The following PDILT variants were observed in gnomAD, a reference collection of about 807,000 sequenced individuals.
The protein encoded by PDILT is protein disulfide isomerase like, testis expressed.
In PDILT, 43 loss-of-function variants were observed where a neutral mutation model predicts 53.7. The ratio of observed to expected loss-of-function variants is 0.80; its 90% CI spans 0.63 to 1.03. PDILT has a LOEUF of 1.03. Ranked by LOEUF, PDILT falls within the 50% of genes least tolerant of loss-of-function variation. PDILT has a pLI of 0.00. For missense variants in PDILT, 727 were observed against 712.3 expected, an observed-to-expected ratio of 1.02 and a Z score of -0.24; for synonymous variants, 282 against 274.2, an observed-to-expected ratio of 1.03 and a Z score of -0.28.
At chr16:20,390,121 C>A (rs754278885) in intron 2 of PDILT, among the ~76,000 whole-genome samples, 39 of 152,136 alleles carry the variant, frequency 2.6e-4, no homozygotes, top group Admixed American at 1.6e-3. Context: ...TAACCCTCTG[C>A]CCATTCCATA....
chr16:20,402,324 G>A (rs1966753563), intron 1 of PDILT, among the ~76,000 whole-genome samples: 1 of 128,564 alleles, frequency 7.8e-6, no homozygotes, highest in Non-Finnish European at 1.6e-5. Context: ...TTTGAGACAG[G>A]GTCTCGCTCT....
At chr16:20,390,256 T>G (rs1174715432) in intron 2 of PDILT, among the ~76,000 whole-genome samples, 1 of 152,132 alleles carries the variant, frequency 6.6e-6, no homozygotes, top group East Asian at 1.9e-4. Flanking sequence ...CCTTTAAGTT[T>G]TTAAAAGATC....
chr16:20,379,663 T>C (rs897247652), intron 3 of PDILT, among the ~76,000 whole-genome samples: 7 of 152,242 alleles, frequency 4.6e-5, no homozygotes, highest in African/African-American at 1.4e-4. Context: ...GCACACTGTA[T>C]GCACTTCTGT....
intron 2 of PDILT, among the ~76,000 whole-genome samples, chr16:20,396,856 G>C (rs1412684680): frequency 6.6e-6 from 1 of 151,998 alleles, no homozygotes; most frequent in Admixed American, 6.6e-5. Flanking sequence ...AGCTGCATAA[G>C]TGTGGGGTGA....
chr16:20,377,760 C>T (rs913766889), intron 3 of PDILT, among the ~76,000 whole-genome samples: 1 of 152,088 alleles, frequency 6.6e-6, no homozygotes. Flanking sequence ...CGAGACAATC[C>T]TGGCTAACAC....
rs769366886 is a variant in PDILT at position 20,399,114 on chromosome 16, G to A, written c.187C>T (p.Leu63Phe). 3.5e-5 allele frequency: 57 copies of A among 1,614,076 alleles called. No homozygotes were observed. In the Admixed American group the frequency reaches 4.5e-4, roughly 13 times the overall value. ...LTQMLNQTRF[L>F]MVLFHNPSSK... is the part of the protein sequence containing the mutation. ...GGGCACTCACGGAAAAGCACCATGA[G>A]GAAGCGGGTCTGGTTCAGCATCTGG... Residue 63 changes from leucine (L) to phenylalanine (F), a missense_variant, in exon 2 of 12, where the codon CTC (leucine) becomes TTC (phenylalanine). Transcript: ENST00000302451.
At chr16:20,372,396 C>A (rs1455325012) in intron 7 of PDILT, among the ~76,000 whole-genome samples, 1 of 152,188 alleles carries the variant, frequency 6.6e-6, no homozygotes, top group Non-Finnish European at 1.5e-5. Context: ...CTACTCCCCA[C>A]CTTCAGGCTT....
At chr16:20,365,972 C>A (rs1176157056) in intron 8 of PDILT, among the ~76,000 whole-genome samples, 2 of 151,780 alleles carry the variant, frequency 1.3e-5, no homozygotes, top group Non-Finnish European at 2.9e-5. Flanking sequence ...CACCTGTAAT[C>A]CCAGCTACTC....
chr16:20,389,084 A>G (rs962038503), intron 2 of PDILT, among the ~76,000 whole-genome samples: 5 of 152,112 alleles, frequency 3.3e-5, no homozygotes, highest in African/African-American at 1.2e-4. Flanking sequence ...TCACGTGTAT[A>G]TTGGCACTTA....
intron 11 of PDILT, 92 bp from the exon 12 acceptor site, chr16:20,359,659 A>G (rs9929710): frequency 2.3e-6 from 3 of 1,298,510 alleles, no homozygotes; most frequent in Non-Finnish European, 2.1e-6. Flanking sequence ...TTGTGGTTGT[A>G]ATAGTCAAGC....
chr16:20,382,965 G>A (rs376940920), intron 3 of PDILT, among the ~76,000 whole-genome samples: 43 of 152,272 alleles, frequency 2.8e-4, no homozygotes, highest in African/African-American at 9.4e-4. Context: ...TTTGAGGCGA[G>A]GGCCTTGATG....
chr16:20,385,418 C>T (rs1402383975), intron 2 of PDILT, among the ~76,000 whole-genome samples: 1 of 152,206 alleles, frequency 6.6e-6, no homozygotes, highest in East Asian at 1.9e-4. Flanking sequence ...CTAATCTCCA[C>T]TAGGCATGTA....
chr16:20,369,635 A>T lies in PDILT; in HGVS notation c.973T>A (p.Tyr325Asn). 1 of 1,614,226 alleles carries T rather than the reference A, an allele frequency of 6.2e-7. No individual in the cohort carries two copies. Among genetic ancestry groups the T allele is most frequent in the Non-Finnish European group, 8.5e-7 (1 of 1,180,038 alleles). Residue 325 changes from tyrosine (Y) to asparagine (N), a missense_variant, in exon 8 of 12, where the codon TAC becomes AAC. By Grantham distance (143) the Tyr-to-Asn change is moderately radical. Coordinates refer to ENST00000302451, the MANE Select transcript of PDILT (RefSeq NM_174924.2). ...ATATCGACCTCTGTGACCCGGAAGT[A>T]CTTGAAGACACGTCCATTTCTGGGT... is the stretch of plus-strand genomic sequence containing the variant. ...DEPRNGRVFKYFRVTEVDIPS... is the reference protein window; with the variant it reads ...DEPRNGRVFKNFRVTEVDIPS...
chr16:20,397,633 T>C (rs1966679652), intron 2 of PDILT, among the ~76,000 whole-genome samples: 1 of 152,074 alleles, frequency 6.6e-6, no homozygotes, highest in South Asian at 2.1e-4. Flanking sequence ...AGGGAGTCTG[T>C]AAATGGTTCT....
At chr16:20,381,817 ATATGGGTGGGTACTTTACCC>A (rs1052336922) in intron 3 of PDILT, among the ~76,000 whole-genome samples, 9 of 152,096 alleles carry the variant, frequency 5.9e-5, no homozygotes, top group Non-Finnish European at 1.0e-4. Context: ...CCCAGCAGAA[ATATGGGTGGGTACTTTACCC>A]TATGCCCACC....
chr16:20,367,080 TTTCTTTCTTTCTTTCTTTC>T (rs1176470358), intron 8 of PDILT, among the ~76,000 whole-genome samples: 12 of 126,818 alleles, frequency 9.5e-5, no homozygotes, highest in African/African-American at 4.0e-4. Context: ...TCTTTCTTTC[TTTCTTTCTTTCTTTCTTTC>T]TTTCTTCCTT....
intron 3 of PDILT, among the ~76,000 whole-genome samples, chr16:20,380,625 C>T (rs376646305): frequency 1.3e-5 from 2 of 152,212 alleles, no homozygotes; most frequent in Admixed American, 6.5e-5. Flanking sequence ...CGTGAGCCAC[C>T]GTGCCCAGCC....
At chr16:20,369,281 T>C (rs1838971451) in intron 8 of PDILT, among the ~76,000 whole-genome samples, 1 of 152,118 alleles carries the variant, frequency 6.6e-6, no homozygotes. Context: ...ACTTTACAAC[T>C]AAGAATAAGT....
chr16:20,371,308 T>C (rs1462063144), intron 7 of PDILT, among the ~76,000 whole-genome samples: 2 of 152,324 alleles, frequency 1.3e-5, no homozygotes, highest in African/African-American at 4.8e-5. Context: ...AAGGTCATTC[T>C]GGTTGCAGAG....
Sources: allele counts gnomAD v4.1 joint callset (sites outside exome capture counted in the v4.1 genomes callset), GRCh38; gene constraint gnomAD v4.1.1; transcripts MANE v1.5; gene names NCBI Gene and HGNC (gene_info 2026-07-23, HGNC 2026-07-21).